Variants in METTL15 observed in about 807,000 individuals in gnomAD.
METTL15 encodes the protein 12S rRNA N(4)-cytidine methyltransferase METTL15.
METTL15 carries 34 observed loss-of-function variants against 38.3 expected under a neutral mutation model. The ratio of observed to expected loss-of-function variants is 0.89; its 90% CI spans 0.68 to 1.18. METTL15 has a LOEUF of 1.18. Among genes scored for constraint, METTL15 ranks in the 50% most tolerant of loss-of-function variants. METTL15 has a pLI of 0.00. For synonymous variants in METTL15, 162 were observed against 170.9 expected (o/e 0.95, Z 0.41); for missense variants, 438 against 498.4 (o/e 0.88, Z 1.15).
At chr11:28,427,118 G>A (rs893901519) in intron 6 of METTL15, among the ~76,000 whole-genome samples, 1 of 152,140 alleles carries the variant, frequency 6.6e-6, no homozygotes, top group East Asian at 1.9e-4. Context: ...TGTATGTTGT[G>A]TAAGGAAGTA....
At chr11:28,461,911 C>T (rs1851219126) in intron 6 of METTL15, among the ~76,000 whole-genome samples, 2 of 151,916 alleles carry the variant, frequency 1.3e-5, no homozygotes, top group South Asian at 4.1e-4. Context: ...AGAATATATA[C>T]ACATAAATAA....
chr11:28,479,411 A>T (rs1851376591), intron 6 of METTL15, among the ~76,000 whole-genome samples: 1 of 152,150 alleles, frequency 6.6e-6, no homozygotes, highest in African/African-American at 2.4e-5. Context: ...AAAAACTAAG[A>T]GATCTTTGTA....
At chr11:28,284,806 T>C (rs1159808654) in intron 4 of METTL15, among the ~76,000 whole-genome samples, 1 of 152,120 alleles carries the variant, frequency 6.6e-6, no homozygotes, top group Non-Finnish European at 1.5e-5. Flanking sequence ...TGGAACACAT[T>C]TAGAAAAGAG....
At chr11:28,478,043 C>T (rs1345336864) in intron 6 of METTL15, among the ~76,000 whole-genome samples, 1 of 152,100 alleles carries the variant, frequency 6.6e-6, no homozygotes, top group Non-Finnish European at 1.5e-5. Flanking sequence ...CTTTATCTAT[C>T]TATTAGCATG....
chr11:28,196,289 G>T (rs1034575251), intron 3 of METTL15, among the ~76,000 whole-genome samples: 1 of 151,906 alleles, frequency 6.6e-6, no homozygotes, highest in Admixed American at 6.6e-5. Flanking sequence ...GACTGCTTTG[G>T]GCAGTATGGT....
rs1428480453 is a variant in METTL15, at chr11:28,281,747, T to A, written c.408-8459T>A. Among the ~76,000 whole-genome samples the A allele has an allele frequency of 2.6e-5, 4 of 152,278 alleles. No homozygotes were observed. In the East Asian group the frequency reaches 7.7e-4, roughly 29 times the overall value. ...TGACATTTAGTAGAAGCTCAGTAAA[T>A]ATTTATTTGTTGTTTGTTTTTATAG... On this transcript the variant is annotated intron_variant, in intron 4 of 6. Transcript: ENST00000407364.
chr11:28,368,154 A>AAAAAAAACAG (rs1850206925), intron 5 of METTL15, among the ~76,000 whole-genome samples: 2 of 138,606 alleles, frequency 1.4e-5, no homozygotes, highest in Non-Finnish European at 3.1e-5. Flanking sequence ...AAAAAAAACA[A>AAAAAAAACAG]AAAAAAAAAC....
At chr11:28,514,408 A>G (rs1232080077) in intron 6 of METTL15, among the ~76,000 whole-genome samples, 1 of 152,230 alleles carries the variant, frequency 6.6e-6, no homozygotes, top group Non-Finnish European at 1.5e-5. Flanking sequence ...GATGTCATAT[A>G]TAGGAGGATA....
chr11:28,513,883 A>T (rs562232178), intron 6 of METTL15, among the ~76,000 whole-genome samples: 1 of 152,256 alleles, frequency 6.6e-6, no homozygotes, highest in African/African-American at 2.4e-5. Flanking sequence ...ATTCCGGTAA[A>T]CCCACAACCT....
At chr11:28,244,925 T>C (rs141679151) in intron 4 of METTL15, among the ~76,000 whole-genome samples, 4 of 152,308 alleles carry the variant, frequency 2.6e-5, no homozygotes, top group Non-Finnish European at 5.9e-5. Flanking sequence ...TTTGGTAATA[T>C]CTTCTATTGG....
intron 5 of METTL15, among the ~76,000 whole-genome samples, chr11:28,293,672 T>G (rs1312392473): frequency 3.3e-5 from 5 of 151,526 alleles, no homozygotes; most frequent in African/African-American, 1.2e-4. Context: ...ACGATATTGA[T>G]TCTTCCTACC....
intron 6 of METTL15, among the ~76,000 whole-genome samples, chr11:28,523,852 G>A (rs780897483): frequency 2.0e-5 from 3 of 152,138 alleles, no homozygotes; most frequent in Non-Finnish European, 4.4e-5. Context: ...TTAATTGATG[G>A]GTGATTTTGT....
At chr11:28,457,953 G>A (rs1056585521) in intron 6 of METTL15, among the ~76,000 whole-genome samples, 4 of 152,198 alleles carry the variant, frequency 2.6e-5, no homozygotes, top group African/African-American at 9.7e-5. Flanking sequence ...CTAGAGTGTT[G>A]TAGTTGGGAA....
intron 4 of METTL15, among the ~76,000 whole-genome samples, chr11:28,216,841 T>G (rs1295442215): frequency 3.3e-5 from 5 of 151,670 alleles, no homozygotes; most frequent in Admixed American, 2.6e-4. Context: ...GATAGTTTGC[T>G]GAGAATGATG....
intron 5 of METTL15, among the ~76,000 whole-genome samples, chr11:28,380,480 T>C (rs542094317): frequency 6.6e-6 from 1 of 152,326 alleles, no homozygotes; most frequent in East Asian, 1.9e-4. Context: ...TTCATTGTTA[T>C]TACTGATAAT....
intron 6 of METTL15, among the ~76,000 whole-genome samples, chr11:28,325,004 T>C (rs1324468180): frequency 3.3e-5 from 5 of 152,158 alleles, no homozygotes. Context: ...TGACATTCCC[T>C]TGGCTTCAGG....
At chr11:28,168,155 T>C (rs1210221346) in intron 3 of METTL15, among the ~76,000 whole-genome samples, 2 of 152,110 alleles carry the variant, frequency 1.3e-5, no homozygotes, top group Non-Finnish European at 2.9e-5. Context: ...GCCCTCTTTG[T>C]CTTTGCCCAT....
intron 4 of METTL15, among the ~76,000 whole-genome samples, chr11:28,267,142 T>C (rs1393967221): frequency 8.6e-6 from 1 of 116,254 alleles, no homozygotes; most frequent in African/African-American, 3.4e-5. Flanking sequence ...CCTGGGCAAC[T>C]AGAATGAAAC....
At position 28,282,706 on chromosome 11, in the gene METTL15, TG is replaced by T. The variant is rs534825238; in HGVS notation, c.408-7498del. On this transcript the variant is annotated intron_variant, in intron 4 of 6. Transcript: ENST00000407364. Reference sequence around the variant, plus strand: ...CTTTGAAACAAGACCACTCTTCCTTTGGAAAAACTTGGGCTAACCTGCTAAA... The same window carrying T: ...CTTTGAAACAAGACCACTCTTCCTTTGAAAAACTTGGGCTAACCTGCTAAA... 1.0e-3 allele frequency among the ~76,000 whole-genome samples: 156 copies of T among 152,282 alleles called. No homozygotes were observed. The South Asian group carries it at 0.013, about 13-fold the overall frequency.
Sources: allele counts gnomAD v4.1 joint callset (sites outside exome capture counted in the v4.1 genomes callset), GRCh38; gene constraint gnomAD v4.1.1; transcripts MANE v1.5; gene names NCBI Gene and HGNC (gene_info 2026-07-23, HGNC 2026-07-21).